The following HAUS5 variants were observed in gnomAD, a reference collection of about 807,000 sequenced individuals.
The protein encoded by HAUS5 is HAUS augmin-like complex subunit 5.
HAUS5 carries 67 observed loss-of-function variants against 94.1 expected under a neutral mutation model. The observed-to-expected ratio is 0.71, with a 90% confidence interval of 0.58 to 0.87. The LOEUF (loss-of-function observed/expected upper bound fraction) is 0.87. HAUS5 is among the 40% of genes least tolerant of loss of function. The pLI, the probability that HAUS5 is intolerant of heterozygous loss-of-function variation, is 0.00. For missense variants in HAUS5, 739 were observed against 825.6 expected, an observed-to-expected ratio of 0.90 and a Z score of 1.29; for synonymous variants, 339 against 355.4, an observed-to-expected ratio of 0.95 and a Z score of 0.52.
Position 35,620,080 on chromosome 19 carries a change from G to A in HAUS5, c.1475G>A (p.Ser492Asn), listed in dbSNP as rs757371894. The change falls in exon 16 of 19, where the codon AGC becomes AAC. Residue 492 changes from serine (S) to asparagine (N), a missense_variant. By Grantham distance (46) the Ser-to-Asn change is conservative. Coordinates refer to ENST00000203166, the MANE Select transcript of HAUS5 (RefSeq NM_015302.2). ...QLHPASPRGSSFIALSHKLGL... is the reference protein window; with the variant it reads ...QLHPASPRGSNFIALSHKLGL... ...CACCCCGCGTCCCCAAGGGGCTCCA[G>A]CTTCATAGCGCTGAGCCACAAGCTG... The A allele has an allele frequency of 1.2e-6, 2 of 1,613,876 alleles. No homozygotes were observed. Among genetic ancestry groups the A allele is most frequent in the East Asian group, 2.2e-5 (1 of 44,854 alleles).
chr19:35,614,372 G>A (rs2071922472), intron 4 of HAUS5: 10 of 408,288 alleles, frequency 2.4e-5, no homozygotes, highest in South Asian at 2.1e-4. Context: ...ATCACCTGAG[G>A]TCAGGAGTTC....
At chr19:35,614,382 C>T (rs1367013639) in intron 4 of HAUS5, among the ~76,000 whole-genome samples, 1 of 151,722 alleles carries the variant, frequency 6.6e-6, no homozygotes, top group Non-Finnish European at 1.5e-5. Context: ...GTCAGGAGTT[C>T]GAGACCAGCC....
Position 35,619,649 on chromosome 19 carries a change from T to C in HAUS5, c.1297T>C (p.Phe433Leu), listed in dbSNP as rs1189262758. Reference sequence around the variant, plus strand: ...GGTCCAGCGAAAGGTGGTCCCTACATTTGAGGCAGTGGCACCACAGAGCCG... The same window carrying C: ...GGTCCAGCGAAAGGTGGTCCCTACACTTGAGGCAGTGGCACCACAGAGCCG... ...ALVQRKVVPT[F>L]EAVAPQSREL... Residue 433 changes from phenylalanine (F) to leucine (L), a missense_variant, in exon 15 of 19, where the codon TTT (phenylalanine) becomes CTT (leucine). Physicochemically the swap from Phe to Leu is conservative, Grantham distance 22 (BLOSUM62 0). Coordinates refer to ENST00000203166, the MANE Select transcript of HAUS5 (RefSeq NM_015302.2). 3.0e-6 allele frequency: 4 copies of C among 1,344,646 alleles called. No individual in the cohort carries two copies. The highest frequency in any genetic ancestry group is 3.9e-6 in the Non-Finnish European group (4 of 1,016,674). The allele number at this position is 1,344,646 out of a possible 1,614,324, so 83.3% of individuals were successfully genotyped here. A position where few individuals can be genotyped will look rare whatever the true frequency, so the allele number is the denominator to read the frequency against.
rs1422612393 is a variant in HAUS5 at position 35,613,523 on chromosome 19, T to C, written c.99-207T>C. The C allele has an allele frequency of 6.9e-6, 4 of 581,020 alleles. No individual in the cohort carries two copies. In the African/African-American group the frequency reaches 7.9e-5, roughly 11 times the overall value. 36.0% of individuals were successfully genotyped at this position (581,020 alleles called of 1,614,324 possible). ...TCGCATGAGCCCAGGAGGTTGAGGC[T>C]GCAAGGAGCTATGATCGTACCACTG... is the stretch of plus-strand genomic sequence containing the variant. On this transcript the variant is annotated intron_variant, in intron 1 of 18. Transcript: ENST00000203166.
At position 35,622,889 on chromosome 19, in the gene HAUS5, G is replaced by A; in HGVS notation, c.1798G>A (p.Gly600Ser). The change falls in exon 19 of 19, where the codon GGC becomes AGC. Residue 600 changes from glycine to serine, a missense_variant. By Grantham distance (56) the Gly-to-Ser change is moderately conservative. Coordinates refer to ENST00000203166, the MANE Select transcript of HAUS5 (RefSeq NM_015302.2). ...GCCATTCCCCAGGTGGGAGCAGCCAGGCCAGGCCGCCCTCTCTGAGGAGCT... is the reference window on the plus strand; with the variant it reads ...GCCATTCCCCAGGTGGGAGCAGCCAAGCCAGGCCGCCCTCTCTGAGGAGCT... The part of the protein sequence containing the change: ...GIVGDWWEQP[G>S]QAALSEELCQ... 1 of 1,614,054 alleles carries A rather than the reference G, an allele frequency of 6.2e-7. No individual in the cohort carries two copies. The highest frequency in any genetic ancestry group is 8.5e-7 in the Non-Finnish European group (1 of 1,179,950).
chr19:35,621,404 G>A (rs757769074), intron 17 of HAUS5, among the ~76,000 whole-genome samples: 167 of 152,242 alleles, frequency 1.1e-3, no homozygotes, highest in Middle Eastern at 3.4e-3. Context: ...GTGCAGTGGT[G>A]CCATCCTGGC....
In HAUS5 at chr19:35,620,090, G is replaced by A. The variant is rs754066046; in HGVS notation, c.1485G>A (p.Ala495=). The A allele has an allele frequency of 2.5e-5, 40 of 1,613,654 alleles. No individual in the cohort carries two copies. The highest frequency in any genetic ancestry group is 3.3e-4 in the Middle Eastern group (2 of 6,060). The change falls in exon 16 of 19, where the codon GCG becomes GCA. Residue 495 remains alanine, a synonymous_variant. Transcript: ENST00000203166. The part of the protein sequence containing the change: ...PASPRGSSFI[A]LSHKLGLPPG... ...CCCCAAGGGGCTCCAGCTTCATAGC[G>A]CTGAGCCACAAGCTGGGGCTGCCTC... is the stretch of plus-strand genomic sequence containing the variant.
At position 35,613,749 on chromosome 19, in the gene HAUS5, G is replaced by A; in HGVS notation, c.118G>A (p.Ala40Thr). 1 of 1,614,092 alleles carries A rather than the reference G, an allele frequency of 6.2e-7. No homozygotes were observed. The highest frequency in any genetic ancestry group is 8.5e-7 in the Non-Finnish European group (1 of 1,179,996). ...CCACAGGCTGTGTCTGGGCCAGGGG[G>A]CTGACATCTGGGCCTACATCTTGCA... ...TLRRLCLGQG[A>T]DIWAYILQHV... The change falls in exon 2 of 19, where the codon GCT (alanine) becomes ACT (threonine). Residue 40 changes from alanine to threonine, a missense_variant. Physicochemically the swap from Ala to Thr is moderately conservative, Grantham distance 58. Transcript: ENST00000203166.
Position 35,620,106 on chromosome 19 carries a change from G to C in HAUS5, c.1501G>C (p.Gly501Arg). ...CTTCATAGCGCTGAGCCACAAGCTG[G>C]GGCTGCCTCCAGGGAAGGTGAGTGC... Reference protein sequence around the residue: ...SSFIALSHKLGLPPGKASELL... With the variant: ...SSFIALSHKLRLPPGKASELL... The change falls in exon 16 of 19, where the codon GGG becomes CGG. Residue 501 changes from glycine to arginine, a missense_variant. Coordinates refer to ENST00000203166, the MANE Select transcript of HAUS5 (RefSeq NM_015302.2). 1 of 1,613,844 alleles carries C rather than the reference G, an allele frequency of 6.2e-7. No individual in the cohort carries two copies. The highest frequency in any genetic ancestry group is 8.5e-7 in the Non-Finnish European group (1 of 1,179,876).
chr19:35,612,745 G>T lies in HAUS5; in HGVS notation c.-50G>T. On this transcript the variant is annotated 5_prime_UTR_variant, in exon 1 of 19. Coordinates refer to ENST00000203166, the MANE Select transcript of HAUS5 (RefSeq NM_015302.2). ...CGCGCCCGTGACGTCAGAGGCGGGC[G>T]CCACACTTGAAGAGGCTGAGGGAGG... 2.2e-6 allele frequency: 3 copies of T among 1,360,966 alleles called. No homozygotes were observed. The highest frequency in any genetic ancestry group is 4.8e-4 in the Middle Eastern group (2 of 4,140). The allele number at this position is 1,360,966 out of a possible 1,614,324, so 84.3% of individuals were successfully genotyped here.
chr19:35,620,507 C>T (rs1967193956), intron 17 of HAUS5, among the ~76,000 whole-genome samples, 180 bp downstream of exon 17: 1 of 152,216 alleles, frequency 6.6e-6, no homozygotes. Context: ...GCTGTTCTCT[C>T]CATTCTACAG....
Position 35,622,887 on chromosome 19 carries a change from CAGGCCA to C in HAUS5, c.1797_1802del (p.Gly600_Gln601del), listed in dbSNP as rs1264047254. 1.2e-6 allele frequency: 2 copies of C among 1,613,960 alleles called. No individual in the cohort carries two copies. Among genetic ancestry groups the C allele is most frequent in the South Asian group, 2.2e-5 (2 of 91,070 alleles). On this transcript the variant is annotated inframe_deletion, in exon 19 of 19. Transcript: ENST00000203166. ...ATGCCATTCCCCAGGTGGGAGCAGC[CAGGCCA>C]GGCCGCCCTCTCTGAGGAGCTCTGC...
At chr19:35,613,474 A>C (rs1033658528) in intron 1 of HAUS5, among the ~76,000 whole-genome samples, 21 of 150,410 alleles carry the variant, frequency 1.4e-4, no homozygotes, top group Non-Finnish European at 2.8e-4. Context: ...AGTCCTAGCT[A>C]CTCTGGAGGC....
chr19:35,614,010 G>A (rs747490728), intron 3 of HAUS5, 25 bp from the exon 4 acceptor site: 18 of 1,613,296 alleles, frequency 1.1e-5, no homozygotes, highest in South Asian at 8.8e-5. Context: ...CCACTCATCC[G>A]CTGACTCTGG....
chr19:35,613,228 G>A (rs1399905759), intron 1 of HAUS5, among the ~76,000 whole-genome samples: 1 of 152,150 alleles, frequency 6.6e-6, no homozygotes, highest in Non-Finnish European at 1.5e-5. Flanking sequence ...AGCTGTAGGA[G>A]TGATGCCCCA....
chr19:35,623,091 G>A lies in HAUS5; in HGVS notation c.*98G>A, dbSNP rs117004739. On this transcript the variant is annotated 3_prime_UTR_variant, in exon 19 of 19. Transcript: ENST00000203166. ...GAAGAAAGCAGCGCCAGGATTCCTCGGCAGTCGTCCCCACCCGCACCTGCA... is the reference window on the plus strand; with the variant it reads ...GAAGAAAGCAGCGCCAGGATTCCTCAGCAGTCGTCCCCACCCGCACCTGCA... 3.2e-3 allele frequency: 2,765 copies of A among 856,914 alleles called. 8 individuals carry two copies. Among genetic ancestry groups the A allele is most frequent in the Admixed American group, 5.7e-3 (264 of 45,954 alleles). 53.1% of individuals were successfully genotyped at this position (856,914 alleles called of 1,614,324 possible). A position where few individuals can be genotyped will look rare whatever the true frequency, so the allele number is the denominator to read the frequency against.
chr19:35,618,762 G>A, intron 12 of HAUS5, 63 bp downstream of exon 12: 1 of 1,533,118 alleles, frequency 6.5e-7, no homozygotes, highest in Non-Finnish European at 8.8e-7. Context: ...CAGCCCATTG[G>A]ACTTTTTCAG....
Position 35,622,647 on chromosome 19 carries a change from C to T in HAUS5, c.1698C>T (p.Asn566=), listed in dbSNP as rs1967228816. The T allele has an allele frequency of 6.2e-7, 1 of 1,613,836 alleles. No individual in the cohort carries two copies. Among genetic ancestry groups the T allele is most frequent in the Non-Finnish European group, 8.5e-7 (1 of 1,179,990 alleles). The change falls in exon 18 of 19, where the codon AAC becomes AAT. Residue 566 remains asparagine, a synonymous_variant. Coordinates refer to ENST00000203166, the MANE Select transcript of HAUS5 (RefSeq NM_015302.2). The stretch of plus-strand genomic sequence containing the variant: ...CCCAGGAAAAACAGCAGAAAGAGAA[C>T]CTGGGGCAGGCTCTGAAGAGGCTGG... The part of the protein sequence containing the change: ...QASQEKQQKE[N]LGQALKRLEK...
intron 4 of HAUS5, among the ~76,000 whole-genome samples, chr19:35,614,757 C>T (rs1473446505): frequency 6.6e-6 from 1 of 151,896 alleles, no homozygotes; most frequent in African/African-American, 2.4e-5. Flanking sequence ...TAAGGGGAGG[C>T]TTCCAGGAGG....
Sources: gnomAD v4.1 joint callset for allele counts (sites outside exome capture counted in the v4.1 genomes callset) on GRCh38, gnomAD v4.1.1 for gene constraint, MANE v1.5 for transcripts, NCBI Gene and HGNC (gene_info 2026-07-23, HGNC 2026-07-21) for gene names.